LRRIQ1: variants seen among roughly 807,000 people sequenced by gnomAD.
The protein encoded by LRRIQ1 is leucine rich repeats and IQ motif containing 1, also known as leucine-rich repeat- and IQ domain-containing protein 1.
Under a neutral mutation model 211.9 loss-of-function variants are expected in LRRIQ1, and 210 were observed. That is an observed-to-expected ratio of 0.99 (90% confidence interval 0.89 to 1.11). LRRIQ1 has a LOEUF of 1.11. Ranked by LOEUF, LRRIQ1 falls within the 50% of genes most tolerant of loss-of-function variation. LRRIQ1 has a pLI of 0.00. For missense variants in LRRIQ1, 2,136 were observed against 1,939.5 expected, an observed-to-expected ratio of 1.10 and a Z score of -1.90; for synonymous variants, 699 against 650.1, an observed-to-expected ratio of 1.08 and a Z score of -1.14.
intron 11 of LRRIQ1, among the ~76,000 whole-genome samples, chr12:85,087,219 T>C (rs1370617144): frequency 6.6e-6 from 1 of 152,158 alleles, no homozygotes; most frequent in African/African-American, 2.4e-5. Flanking sequence ...TGCAATAGTT[T>C]GCTCAGAATG....
At chr12:85,150,344 C>A (rs1045602061) in intron 19 of LRRIQ1, among the ~76,000 whole-genome samples, 3 of 151,660 alleles carry the variant, frequency 2.0e-5, no homozygotes, top group African/African-American at 7.3e-5. Context: ...TTTCCCTTGT[C>A]ATTGAAAAGA....
chr12:85,264,994 G>C (rs150716330), downstream of LRRIQ1, among the ~76,000 whole-genome samples: 740 of 152,114 alleles, frequency 4.9e-3, 13 homozygotes, highest in African/African-American at 0.017. Flanking sequence ...TGCTAGGTAG[G>C]GGGTGTTTGG....
chr12:85,207,222 C>A (rs938465745), intron 24 of LRRIQ1, among the ~76,000 whole-genome samples: 4 of 152,084 alleles, frequency 2.6e-5, no homozygotes, highest in Non-Finnish European at 4.4e-5. Context: ...CAGCTTCCAA[C>A]CACTTCAGCC....
At chr12:85,107,167 T>C (rs1296889634) in intron 15 of LRRIQ1, among the ~76,000 whole-genome samples, 3 of 152,138 alleles carry the variant, frequency 2.0e-5, no homozygotes, top group Non-Finnish European at 4.4e-5. Flanking sequence ...CATTTACACT[T>C]CTAATAATAT....
At chr12:85,201,912 T>C (rs1014383825) in intron 24 of LRRIQ1, among the ~76,000 whole-genome samples, 2 of 152,086 alleles carry the variant, frequency 1.3e-5, no homozygotes, top group Non-Finnish European at 2.9e-5. Context: ...TTCTTACTTT[T>C]TGATGTGTGC....
chr12:85,045,947 T>G, intron 4 of LRRIQ1, 73 bp from the exon 5 acceptor site: 1 of 709,266 alleles, frequency 1.4e-6, no homozygotes, highest in Non-Finnish European at 2.3e-6. Flanking sequence ...AAATATTTAA[T>G]GTATTATTAA....
intron 18 of LRRIQ1, among the ~76,000 whole-genome samples, chr12:85,129,578 A>G (rs894987673): frequency 8.5e-5 from 13 of 152,214 alleles, no homozygotes; most frequent in African/African-American, 2.4e-4. Context: ...AGACCAGGAA[A>G]TGTGACATTG....
At position 85,253,714 on chromosome 12, in the gene LRRIQ1, A is replaced by G. The variant is rs144014212; in HGVS notation, c.121+8805A>G. The stretch of plus-strand genomic sequence containing the variant: ...AGATTAGACACACAAACACAAATGG[A>G]CACACACACACAGAACTTTACTTCC... On this transcript the variant is annotated intron_variant, in intron 1 of 1. Coordinates refer to the LRRIQ1 transcript ENST00000602731. 1.4e-4 allele frequency among the ~76,000 whole-genome samples: 22 copies of G among 151,994 alleles called. No individual in the cohort carries two copies. The East Asian group carries it at 3.7e-3, about 25-fold the overall frequency.
intron 5 of LRRIQ1, 129 bp from the exon 6 acceptor site, chr12:85,047,118 T>G (rs940695781): frequency 1.9e-5 from 11 of 593,416 alleles, no homozygotes; most frequent in South Asian, 1.8e-4. Flanking sequence ...AACCTGCACG[T>G]TGTGCACATG....
At chr12:85,212,621 T>TA (rs1467501211) in intron 24 of LRRIQ1, among the ~76,000 whole-genome samples, 1 of 151,492 alleles carries the variant, frequency 6.6e-6, no homozygotes, top group Non-Finnish European at 1.5e-5. Context: ...GAAGCTAAAT[T>TA]GAGTCAAAAT....
At chr12:85,102,354 A>G (rs1225581661) in intron 13 of LRRIQ1, among the ~76,000 whole-genome samples, 2 of 151,702 alleles carry the variant, frequency 1.3e-5, no homozygotes, top group East Asian at 1.9e-4. Context: ...GTTATGGAGT[A>G]TATGTACAAA....
At chr12:85,196,715 A>G (rs979146311) in intron 24 of LRRIQ1, among the ~76,000 whole-genome samples, 1 of 152,180 alleles carries the variant, frequency 6.6e-6, no homozygotes, top group African/African-American at 2.4e-5. Flanking sequence ...ACCTAAAACC[A>G]TAAAAACCCT....
intron 19 of LRRIQ1, among the ~76,000 whole-genome samples, chr12:85,138,417 G>A (rs1484014980): frequency 6.6e-6 from 1 of 151,422 alleles, no homozygotes; most frequent in Non-Finnish European, 1.5e-5. Flanking sequence ...TACTTTTAAA[G>A]ACTACTGAAA....
intron 24 of LRRIQ1, among the ~76,000 whole-genome samples, chr12:85,201,324 G>C (rs1893281875): frequency 6.6e-6 from 1 of 150,460 alleles, no homozygotes. Context: ...TTAGCAAGGA[G>C]TCTTTCCTCA....
At chr12:85,243,407 A>G (rs1372702847) in intron 26 of LRRIQ1, among the ~76,000 whole-genome samples, 1 of 148,676 alleles carries the variant, frequency 6.7e-6, no homozygotes, top group East Asian at 2.0e-4. Flanking sequence ...TAAATTGGAA[A>G]CGATTTTTAT....
intron 2 of LRRIQ1, among the ~76,000 whole-genome samples, chr12:85,038,514 T>C (rs1878465051): frequency 6.6e-6 from 1 of 151,726 alleles, no homozygotes; most frequent in Admixed American, 6.6e-5. Context: ...TATCCTGATT[T>C]TTGTTTTTAC....
rs781494013 is a variant in LRRIQ1, at chr12:85,056,777, G to T, written c.1984G>T (p.Asp662Tyr). ...TGGCATTGTGATTTTTAACACAACT[G>T]ATACCATGATAAATATAGAAGGCAA... ...NSGIVIFNTT[D>Y]TMINIEGKRN... is the part of the protein sequence containing the mutation. Residue 662 changes from aspartate to tyrosine, a missense_variant, in exon 8 of 27, where the codon GAT becomes TAT. Transcript: ENST00000393217. The T allele has an allele frequency of 2.1e-5, 33 of 1,609,082 alleles. No homozygotes were observed. Among genetic ancestry groups the T allele is most frequent in the Non-Finnish European group, 2.6e-5 (31 of 1,178,546 alleles).
intron 18 of LRRIQ1, among the ~76,000 whole-genome samples, chr12:85,137,519 T>C (rs1889220105): frequency 6.6e-6 from 1 of 151,586 alleles, no homozygotes; most frequent in Non-Finnish European, 1.5e-5. Flanking sequence ...CAAAATGGGT[T>C]TTGCTTTGTA....
chr12:85,069,941 T>A, intron 10 of LRRIQ1, among the ~76,000 whole-genome samples: 1 of 152,176 alleles, frequency 6.6e-6, no homozygotes, highest in East Asian at 1.9e-4. Flanking sequence ...CTCTTTAGTT[T>A]AATTAGATCC....
Sources: gnomAD v4.1 joint callset for allele counts (sites outside exome capture counted in the v4.1 genomes callset) on GRCh38, gnomAD v4.1.1 for gene constraint, MANE v1.5 for transcripts, NCBI Gene and HGNC (gene_info 2026-07-23, HGNC 2026-07-21) for gene names.